The following KCNT1 variants were observed in gnomAD, a reference collection of about 807,000 sequenced individuals.
KCNT1 encodes the protein potassium sodium-activated channel subfamily T member 1.
KCNT1 carries 78 observed loss-of-function variants against 147.8 expected under a neutral mutation model. The observed-to-expected ratio is 0.53, with a 90% CI of 0.44 to 0.64. The LOEUF (loss-of-function observed/expected upper bound fraction) is 0.64, where lower values mean the gene tolerates loss of function less well. Ranked by LOEUF, KCNT1 falls within the 30% of genes least tolerant of loss-of-function variation. The pLI, the probability that KCNT1 is intolerant of heterozygous loss-of-function variation, is 0.00. For synonymous variants in KCNT1, 867 were observed against 748.8 expected, an observed-to-expected ratio of 1.16 and a Z score of -2.58; for missense variants, 1,419 against 1,750.3, an observed-to-expected ratio of 0.81 and a Z score of 3.38.
At chr9:135,783,429 T>C (rs1309658716) in intron 24 of KCNT1, among the ~76,000 whole-genome samples, 1 of 152,172 alleles carries the variant, frequency 6.6e-6, no homozygotes, top group Non-Finnish European at 1.5e-5. Flanking sequence ...TGCCCAGGCC[T>C]GGATCCAGCC....
rs372998864 is a variant in KCNT1, at chr9:135,756,899, G to A, written c.567G>A (p.Leu189=). The change falls in exon 7 of 31, where the codon CTG becomes CTA. Residue 189 remains leucine (L), a synonymous_variant. Coordinates refer to ENST00000371757, the MANE Select transcript of KCNT1 (RefSeq NM_020822.3). Reference sequence around the variant, plus strand: ...TCATCGTGGCCATAATAAGCTTCCTGGAGACGATGCTTCTCATCTACCTCA... The same window carrying A: ...TCATCGTGGCCATAATAAGCTTCCTAGAGACGATGCTTCTCATCTACCTCA... ...IQVIVAIISF[L]ETMLLIYLSY... 10 of 1,613,246 alleles carry A rather than the reference G, an allele frequency of 6.2e-6. No individual in the cohort carries two copies. The highest frequency in any genetic ancestry group is 7.6e-6 in the Non-Finnish European group (9 of 1,179,948).
At chr9:135,716,391 C>T (rs1258481945) in intron 2 of KCNT1, among the ~76,000 whole-genome samples, 1 of 152,144 alleles carries the variant, frequency 6.6e-6, no homozygotes, top group African/African-American at 2.4e-5. Flanking sequence ...CCATGCCCAT[C>T]CCTGGGAGAG....
At chr9:135,780,311 C>T (rs572320441) in intron 24 of KCNT1, among the ~76,000 whole-genome samples, 2 of 152,320 alleles carry the variant, frequency 1.3e-5, no homozygotes, top group Admixed American at 1.3e-4. Context: ...AAGTCCTCAT[C>T]GGCGAGCTGC....
chr9:135,764,522 G>A (rs752267303), intron 11 of KCNT1, among the ~76,000 whole-genome samples: 11 of 152,230 alleles, frequency 7.2e-5, no homozygotes, highest in African/African-American at 1.9e-4. Flanking sequence ...GGGAGGCCCC[G>A]GTGGCCTCTG....
intron 2 of KCNT1, among the ~76,000 whole-genome samples, chr9:135,718,683 C>G (rs756754945): frequency 2.0e-5 from 3 of 152,208 alleles, no homozygotes; most frequent in Non-Finnish European, 2.9e-5. Flanking sequence ...CACGCCCTCC[C>G]TATTTCTACC....
intron 2 of KCNT1, among the ~76,000 whole-genome samples, chr9:135,725,066 G>A (rs1836079181): frequency 1.3e-5 from 2 of 152,212 alleles, no homozygotes; most frequent in African/African-American, 4.8e-5. Flanking sequence ...GGGGCGTGTG[G>A]TGGACACATG....
intron 4 of KCNT1, among the ~76,000 whole-genome samples, chr9:135,753,130 G>C (rs1411318992): frequency 8.5e-6 from 1 of 117,220 alleles, no homozygotes; most frequent in African/African-American, 3.3e-5. Context: ...GGATGATGGA[G>C]AAGTGGATGG....
rs1266118034 is a variant in KCNT1, at chr9:135,759,989, C to T, written c.1035+130C>T. ...CCCAGGAGGGGACAGTGAGGCCAGG[C>T]GGGTGGTGCCTGCTCCGTTGCACGC... On this transcript the variant is annotated intron_variant, in intron 11 of 30. Coordinates refer to ENST00000371757, the MANE Select transcript of KCNT1 (RefSeq NM_020822.3). The T allele has an allele frequency of 2.1e-5, 18 of 840,052 alleles. 1 individual carries two copies. The highest frequency in any genetic ancestry group is 3.9e-5 in the South Asian group (2 of 50,796). The allele number at this position is 840,052 out of a possible 1,614,324, so 52.0% of individuals were successfully genotyped here.
At chr9:135,731,493 G>A (rs976467692) in intron 2 of KCNT1, among the ~76,000 whole-genome samples, 17 of 147,748 alleles carry the variant, frequency 1.2e-4, no homozygotes, top group African/African-American at 3.4e-4. Context: ...GCTTCTTCAC[G>A]CTGGAATTCT....
intron 13 of KCNT1, 171 bp from the exon 14 acceptor site, chr9:135,768,439 C>CCCGCCTTCCATCCTCT (rs1311840614): frequency 2.3e-4 from 136 of 583,598 alleles, no homozygotes; most frequent in East Asian, 4.6e-4. Context: ...TTCCATCCTC[C>CCCGCCTTCCATCCTCT]CCGCCTTCCA....
chr9:135,763,041 G>T (rs143225560), intron 11 of KCNT1, among the ~76,000 whole-genome samples: 1 of 152,358 alleles, frequency 6.6e-6, no homozygotes, highest in Non-Finnish European at 1.5e-5. Flanking sequence ...AGCAGGCCCT[G>T]AGTGGGACAA....
At chr9:135,720,073 G>T (rs560266245) in intron 2 of KCNT1, among the ~76,000 whole-genome samples, 2 of 152,098 alleles carry the variant, frequency 1.3e-5, no homozygotes, top group Non-Finnish European at 2.9e-5. Context: ...GACCCCTGCC[G>T]GCCCCACAGG....
chr9:135,722,382 G>A (rs548071255), intron 2 of KCNT1, among the ~76,000 whole-genome samples: 32 of 152,210 alleles, frequency 2.1e-4, no homozygotes, highest in East Asian at 5.8e-4. Flanking sequence ...AATTCCTCCC[G>A]CATTAGTGTA....
intron 21 of KCNT1, among the ~76,000 whole-genome samples, chr9:135,777,784 C>T (rs1833278981): frequency 2.0e-5 from 3 of 150,886 alleles, no homozygotes; most frequent in African/African-American, 7.3e-5. Flanking sequence ...CCTGTTCCCC[C>T]AGTTCCCAGC....
chr9:135,710,744 C>T (rs927735445), intron 1 of KCNT1, among the ~76,000 whole-genome samples: 3 of 152,172 alleles, frequency 2.0e-5, no homozygotes, highest in Non-Finnish European at 4.4e-5. Flanking sequence ...TGTTCTTGCA[C>T]GTATAGTCTT....
rs1334676837 is a variant in KCNT1, at chr9:135,791,962, A to G, written c.3588-79A>G. On this transcript the variant is annotated intron_variant, in intron 30 of 30. Transcript: ENST00000371757. Reference sequence around the variant, plus strand: ...GGGGAGATGAGGCCACAGGCACCACAGTGGGGCCGCTCAGCAGAGGGCTGA... The same window carrying G: ...GGGGAGATGAGGCCACAGGCACCACGGTGGGGCCGCTCAGCAGAGGGCTGA... The G allele has an allele frequency of 6.2e-6, 10 of 1,609,650 alleles. No individual in the cohort carries two copies. In the South Asian group the frequency reaches 9.9e-5, roughly 16 times the overall value.
At chr9:135,709,594 C>T (rs1453601766) in intron 1 of KCNT1, among the ~76,000 whole-genome samples, 4 of 152,186 alleles carry the variant, frequency 2.6e-5, no homozygotes, top group African/African-American at 9.7e-5. Flanking sequence ...TCCAACTCTG[C>T]ATCTCTCTAA....
At chr9:135,736,849 C>T in intron 2 of KCNT1, 1 of 315,248 alleles carries the variant, frequency 3.2e-6, no homozygotes, top group Non-Finnish European at 5.8e-6. Flanking sequence ...GCTCGGGCTG[C>T]GCTGGCTGGG....
chr9:135,783,749 G>T (rs922975226), intron 24 of KCNT1, among the ~76,000 whole-genome samples: 1 of 152,240 alleles, frequency 6.6e-6, no homozygotes, highest in Admixed American at 6.5e-5. Context: ...CATGGCAGCC[G>T]CCGGGAGTCC....
Sources: gnomAD v4.1 joint callset for allele counts (sites outside exome capture counted in the v4.1 genomes callset) on GRCh38, gnomAD v4.1.1 for gene constraint, MANE v1.5 for transcripts, NCBI Gene and HGNC (gene_info 2026-07-23, HGNC 2026-07-21) for gene names.